GALNT8: variants seen among roughly 807,000 people sequenced by gnomAD.
GALNT8 encodes polypeptide N-acetylgalactosaminyltransferase 8.
GALNT8 carries 66 observed loss-of-function variants against 62.7 expected under a neutral mutation model. The ratio of observed to expected loss-of-function variants is 1.05; its 90% CI spans 0.86 to 1.29. GALNT8 has a LOEUF of 1.29. Among genes scored for constraint, GALNT8 ranks in the 50% most tolerant of loss-of-function variants. The pLI is 0.00. For missense variants in GALNT8, 771 were observed against 791.8 expected (o/e 0.97, Z 0.32); for synonymous variants, 288 against 294.3 (o/e 0.98, Z 0.22).
intron 8 of GALNT8, 81 bp from the exon 9 acceptor site, chr12:4,763,871 G>C (rs1271222086): frequency 2.5e-6 from 2 of 791,946 alleles, no homozygotes; most frequent in Non-Finnish European, 4.6e-6. Flanking sequence ...GGTGTGTTGG[G>C]GAAAATGTAG....
At chr12:4,720,930 TG>T in intron 1 of GALNT8, 42 bp downstream of exon 1, 2 of 1,261,262 alleles carry the variant, frequency 1.6e-6, no homozygotes, top group Non-Finnish European at 2.3e-6. Flanking sequence ...TGTGTGGGTG[TG>T]TGTGTTTGGG....
At chr12:4,753,823 C>G (rs1448245002) in intron 6 of GALNT8, among the ~76,000 whole-genome samples, 1 of 152,164 alleles carries the variant, frequency 6.6e-6, no homozygotes, top group Non-Finnish European at 1.5e-5. Context: ...TTGTACCCAT[C>G]CTTCTTGGGA....
Position 4,772,546 on chromosome 12 carries a change from G to T in GALNT8, c.1863G>T (p.Val621=). ...VLVLQTCSTQ[V]WEIQHTVRDW... is the part of the protein sequence containing the mutation. ...TGCTCCAGACCTGTAGCACGCAAGT[G>T]TGGGAAATCCAGCACACTGTCAGAG... Residue 621 remains valine (V), a synonymous_variant, in exon 11 of 11, where the codon GTG becomes GTT. Coordinates refer to ENST00000252318, the MANE Select transcript of GALNT8 (RefSeq NM_017417.2). 1 of 1,614,018 alleles carries T rather than the reference G, an allele frequency of 6.2e-7. No homozygotes were observed.
Position 4,739,329 on chromosome 12 carries a change from G to C in GALNT8, c.676G>C (p.Gly226Arg). The C allele has an allele frequency of 6.2e-7, 1 of 1,610,686 alleles. No individual in the cohort carries two copies. The highest frequency in any genetic ancestry group is 8.5e-7 in the Non-Finnish European group (1 of 1,177,650). ...IILVDDFSSN[G>R]ELKVHLDEKI... The stretch of plus-strand genomic sequence containing the variant: ...CTTGGTGGATGATTTCAGCTCAAAT[G>C]GTGAGCAACGTGATCAAAGAATAAT... Residue 226 changes from glycine (G) to arginine (R), a missense_variant and splice_region_variant, in exon 3 of 11, where the codon GGA becomes CGA. Gly to Arg is a moderately radical substitution (Grantham distance 125). Transcript: ENST00000252318.
chr12:4,770,326 A>G (rs951392652), intron 10 of GALNT8, among the ~76,000 whole-genome samples: 2 of 151,832 alleles, frequency 1.3e-5, no homozygotes, highest in African/African-American at 4.8e-5. Flanking sequence ...AAAACAAAAA[A>G]CAAACAACAA....
At chr12:4,763,829 G>A (rs771515239) in intron 8 of GALNT8, 123 bp from the exon 9 acceptor site, 45 of 681,534 alleles carry the variant, frequency 6.6e-5, no homozygotes, top group Non-Finnish European at 1.2e-4. Flanking sequence ...CCAGCCCTCT[G>A]CTCCTTGTGG....
At chr12:4,758,804 T>C (rs1269149449) in intron 6 of GALNT8, among the ~76,000 whole-genome samples, 1 of 151,140 alleles carries the variant, frequency 6.6e-6, no homozygotes, top group East Asian at 1.9e-4. Context: ...TGAGACAGAG[T>C]CTTGCTCTGT....
At chr12:4,733,710 A>G (rs1207524001) in intron 2 of GALNT8, among the ~76,000 whole-genome samples, 1 of 152,202 alleles carries the variant, frequency 6.6e-6, no homozygotes, top group Non-Finnish European at 1.5e-5. Flanking sequence ...CCTGTGCTTT[A>G]AATATTCATC....
chr12:4,766,364 C>T (rs543728810), intron 10 of GALNT8, among the ~76,000 whole-genome samples: 2 of 152,262 alleles, frequency 1.3e-5, no homozygotes, highest in East Asian at 3.9e-4. Context: ...ATAATATCTT[C>T]TGTATGCGAC....
At chr12:4,772,333 C>T in intron 10 of GALNT8, 112 bp from the exon 11 acceptor site, 4 of 909,228 alleles carry the variant, frequency 4.4e-6, no homozygotes, top group South Asian at 3.1e-5. Flanking sequence ...TTGTGGAGCA[C>T]TGAGGGGTCC....
rs754313858 is a variant in GALNT8, at chr12:4,772,531, C to A, written c.1848C>A (p.Thr616=). The change falls in exon 11 of 11, where the codon ACC becomes ACA. Residue 616 remains threonine, a synonymous_variant. Transcript: ENST00000252318. ...GTAGCCACGTGCTTGTGCTCCAGAC[C>A]TGTAGCACGCAAGTGTGGGAAATCC... The part of the protein sequence containing the change: ...LLGSHVLVLQ[T]CSTQVWEIQH... 6.2e-7 allele frequency: 1 copy of A among 1,613,730 alleles called. No homozygotes were observed. The highest frequency in any genetic ancestry group is 1.3e-5 in the African/African-American group (1 of 74,930).
At position 4,763,276 on chromosome 12, in the gene GALNT8, C is replaced by T. The variant is rs774800223; in HGVS notation, c.1383C>T (p.Asp461=). 6.2e-6 allele frequency: 10 copies of T among 1,611,090 alleles called. No individual in the cohort carries two copies. Among genetic ancestry groups the T allele is most frequent in the East Asian group, 4.5e-5 (2 of 44,862 alleles). Residue 461 remains aspartate (D), a synonymous_variant, in exon 8 of 11, where the codon GAC becomes GAT. Transcript: ENST00000252318. Reference sequence around the variant, plus strand: ...AGAACTCTGGAATAGATTTTGGAGACGTTTCTTCCAGAATGGCACTCCGGG... The same window carrying T: ...AGAACTCTGGAATAGATTTTGGAGATGTTTCTTCCAGAATGGCACTCCGGG... ...PLQNSGIDFG[D]VSSRMALREK...
chr12:4,745,335 A>G (rs572349804), intron 4 of GALNT8, 94 bp from the exon 5 acceptor site: 4 of 783,774 alleles, frequency 5.1e-6, no homozygotes, highest in South Asian at 1.5e-5. Context: ...GAGGTACTCA[A>G]TGTCAGGGCA....
At position 4,744,573 on chromosome 12, in the gene GALNT8, G is replaced by C. The variant is rs894891820; in HGVS notation, c.733G>C (p.Gly245Arg). ...TAAGCTTTACAACCAGAAGTATCCA[G>C]GACTACTGAAAATAATACGGCATCC... ...KIKLYNQKYP[G>R]LLKIIRHPER... The change falls in exon 4 of 11, where the codon GGA (glycine) becomes CGA (arginine). Residue 245 changes from glycine to arginine, a missense_variant. By Grantham distance (125) the Gly-to-Arg change is moderately radical. Coordinates refer to ENST00000252318, the MANE Select transcript of GALNT8 (RefSeq NM_017417.2). The C allele has an allele frequency of 6.2e-7, 1 of 1,612,744 alleles. No individual in the cohort carries two copies. The highest frequency in any genetic ancestry group is 1.3e-5 in the African/African-American group (1 of 74,886).
At chr12:4,761,361 G>A (rs987264035) in intron 7 of GALNT8, among the ~76,000 whole-genome samples, 4 of 152,152 alleles carry the variant, frequency 2.6e-5, no homozygotes, top group South Asian at 2.1e-4. Flanking sequence ...CACAACATAT[G>A]TAGGGGATAG....
chr12:4,735,647 A>G (rs901670581), intron 2 of GALNT8, among the ~76,000 whole-genome samples: 17 of 152,336 alleles, frequency 1.1e-4, no homozygotes, highest in Admixed American at 8.5e-4. Flanking sequence ...TCCCAAGAAC[A>G]CGGGGCTCCA....
At chr12:4,721,489 C>G (rs1362910865) in intron 1 of GALNT8, among the ~76,000 whole-genome samples, 2 of 152,186 alleles carry the variant, frequency 1.3e-5, no homozygotes, top group Non-Finnish European at 2.9e-5. Context: ...CAGATAAACA[C>G]GTGAACAAAG....
Position 4,726,660 on chromosome 12 carries a change from A to G in GALNT8, c.340A>G (p.Thr114Ala), listed in dbSNP as rs747219258. 1 of 1,613,854 alleles carries G rather than the reference A, an allele frequency of 6.2e-7. No homozygotes were observed. The highest frequency in any genetic ancestry group is 8.5e-7 in the Non-Finnish European group (1 of 1,179,914). Residue 114 changes from threonine to alanine, a missense_variant, in exon 2 of 11, where the codon ACC becomes GCC. Transcript: ENST00000252318. The surrounding 1 kb of genome is among the most constrained non-coding windows in gnomAD (Gnocchi z 4.1). ...TKVNETKKHK[T>A]QMKLFPHSQL... ...GGTGAATGAGACAAAGAAGCACAAA[A>G]CCCAAATGAAACTCTTCCCACACTC...
At chr12:4,766,546 T>C (rs1462052876) in intron 10 of GALNT8, among the ~76,000 whole-genome samples, 5 of 152,184 alleles carry the variant, frequency 3.3e-5, no homozygotes, top group Non-Finnish European at 7.3e-5. Context: ...GCTCTGCCTT[T>C]AACTTCAATA....
Sources: allele counts gnomAD v4.1 joint callset (sites outside exome capture counted in the v4.1 genomes callset), GRCh38; gene constraint gnomAD v4.1.1; non-coding constraint Gnocchi (gnomAD v3.1); transcripts MANE v1.5; gene names NCBI Gene and HGNC (gene_info 2026-07-23, HGNC 2026-07-21).